Variants in CAST observed in about 807,000 individuals in gnomAD.
The protein encoded by CAST is MIR583 host.
In CAST, 76 loss-of-function variants were observed where a neutral mutation model predicts 119.6. The ratio of observed to expected loss-of-function variants is 0.64; its 90% CI spans 0.53 to 0.77. The LOEUF (loss-of-function observed/expected upper bound fraction) is 0.77. CAST is among the 30% of genes least tolerant of loss of function. The probability of loss-of-function intolerance (pLI) is 0.00; values close to 1 mark genes in which losing one functional copy is unlikely to be tolerated. For synonymous variants in CAST, 319 were observed against 331.6 expected, an observed-to-expected ratio of 0.96 and a Z score of 0.41; for missense variants, 953 against 946.5, an observed-to-expected ratio of 1.01 and a Z score of -0.09.
At chr5:96,702,461 G>A (rs1208011548) in intron 3 of CAST, among the ~76,000 whole-genome samples, 2 of 152,286 alleles carry the variant, frequency 1.3e-5, no homozygotes, top group Non-Finnish European at 2.9e-5. Context: ...CAAATCCCTG[G>A]TTGTAGTCAT....
intron 1 of CAST, among the ~76,000 whole-genome samples, chr5:96,539,695 T>G (rs1037308905): frequency 6.6e-6 from 1 of 152,150 alleles, no homozygotes; most frequent in African/African-American, 2.4e-5. Context: ...TAAAAGTGAG[T>G]TTCCTTGTAT....
At chr5:96,315,979 G>A in the CAST span, among the ~76,000 whole-genome samples, 1 of 152,106 alleles carries the variant, frequency 6.6e-6, no homozygotes, top group African/African-American at 2.4e-5. Flanking sequence ...TAAGGGTTGA[G>A]TACCCCCAAG....
At chr5:96,414,706 G>T in the CAST span, among the ~76,000 whole-genome samples, 1 of 152,170 alleles carries the variant, frequency 6.6e-6, no homozygotes, top group East Asian at 1.9e-4. Context: ...TCTACAAAAT[G>T]AAGGGATCAG....
the CAST span, among the ~76,000 whole-genome samples, chr5:96,377,580 G>A: frequency 2.6e-5 from 4 of 152,168 alleles, no homozygotes; most frequent in Admixed American, 2.6e-4. Context: ...AGGCTATAGC[G>A]GGTAGCCTAG....
intron 1 of CAST, among the ~76,000 whole-genome samples, chr5:96,573,634 T>C (rs1312917247): frequency 1.6e-5 from 1 of 61,020 alleles, no homozygotes; most frequent in African/African-American, 6.2e-5. Context: ...AGCAACACCC[T>C]GTCTCAAAAA....
At chr5:96,359,447 G>T in the CAST span, among the ~76,000 whole-genome samples, 39 of 152,154 alleles carry the variant, frequency 2.6e-4, no homozygotes, top group Non-Finnish European at 4.9e-4. Flanking sequence ...TTACAATTTG[G>T]TATGTTTTTG....
chr5:96,293,679 A>G, the CAST span, among the ~76,000 whole-genome samples: 1 of 152,194 alleles, frequency 6.6e-6, no homozygotes, highest in Non-Finnish European at 1.5e-5. Context: ...CTAAGATAGT[A>G]TTTAGAATAT....
At chr5:96,747,234 G>GA in intron 17 of CAST, 111 bp from the exon 18 acceptor site, 1 of 667,964 alleles carries the variant, frequency 1.5e-6, no homozygotes, top group Non-Finnish European at 2.7e-6. Context: ...GTAAATCTAA[G>GA]AAAAAAATTA....
the CAST span, among the ~76,000 whole-genome samples, chr5:96,367,505 A>C: frequency 6.6e-6 from 1 of 150,856 alleles, no homozygotes; most frequent in African/African-American, 2.4e-5. Flanking sequence ...TTGTTTACCT[A>C]CTCAAGCCTC....
chr5:96,320,933 T>G, the CAST span, among the ~76,000 whole-genome samples: 2 of 152,154 alleles, frequency 1.3e-5, no homozygotes, highest in Admixed American at 6.5e-5. Flanking sequence ...TTTAATATGT[T>G]AAAATAATTG....
At chr5:96,415,064 C>T in the CAST span, among the ~76,000 whole-genome samples, 1 of 152,132 alleles carries the variant, frequency 6.6e-6, no homozygotes, top group Non-Finnish European at 1.5e-5. Context: ...GAAAACCAAA[C>T]TAAACTTGAA....
At chr5:96,239,767 A>G in the CAST span, among the ~76,000 whole-genome samples, 1 of 151,554 alleles carries the variant, frequency 6.6e-6, no homozygotes, top group Non-Finnish European at 1.5e-5. Flanking sequence ...TCTTTTAAAT[A>G]TCTGTTCTTT....
At chr5:96,222,421 GC>G in the CAST span, among the ~76,000 whole-genome samples, 1 of 151,676 alleles carries the variant, frequency 6.6e-6, no homozygotes, top group East Asian at 1.9e-4. Context: ...AATTAAAAAA[GC>G]AAATAATCCC....
At chr5:96,307,842 C>G in the CAST span, among the ~76,000 whole-genome samples, 1 of 152,206 alleles carries the variant, frequency 6.6e-6, no homozygotes, top group Non-Finnish European at 1.5e-5. Context: ...GATGGGCTTC[C>G]TTTTGTGGGT....
At chr5:96,320,016 C>T in the CAST span, among the ~76,000 whole-genome samples, 2 of 150,578 alleles carry the variant, frequency 1.3e-5, no homozygotes, top group Non-Finnish European at 3.0e-5. Context: ...GACACCCCTT[C>T]ATATCTAACC....
chr5:96,761,431 A>G (rs1767918393), intron 24 of CAST: 1 of 152,174 alleles, frequency 6.6e-6, no homozygotes, highest in South Asian at 2.1e-4. Context: ...TCTTATAGTT[A>G]TCTAAATTAG....
chr5:96,056,878 C>T, the CAST span, among the ~76,000 whole-genome samples: 3 of 152,048 alleles, frequency 2.0e-5, no homozygotes, highest in Non-Finnish European at 4.4e-5. Flanking sequence ...ATCTCTCTAC[C>T]ATCCCCAAGG....
the CAST span, among the ~76,000 whole-genome samples, chr5:96,165,104 GT>G: frequency 6.6e-6 from 1 of 152,096 alleles, no homozygotes; most frequent in African/African-American, 2.4e-5. Context: ...TCCGAGAGCG[GT>G]CAGATAAGTG....
the CAST span, among the ~76,000 whole-genome samples, chr5:96,271,291 A>G: frequency 6.6e-6 from 1 of 152,208 alleles, no homozygotes; most frequent in East Asian, 1.9e-4. Flanking sequence ...TCAAATAGCT[A>G]AAGCAACCCT....
Sources: gnomAD v4.1 joint callset for allele counts (sites outside exome capture counted in the v4.1 genomes callset) on GRCh38, gnomAD v4.1.1 for gene constraint, MANE v1.5 for transcripts, NCBI Gene and HGNC (gene_info 2026-07-23, HGNC 2026-07-21) for gene names.